LRRC1: variants seen among roughly 807,000 people sequenced by gnomAD.
LRRC1 encodes leucine-rich repeat-containing protein 1.
Under a neutral mutation model 69.9 loss-of-function variants are expected in LRRC1, and 28 were observed. That is an observed-to-expected ratio of 0.40 (90% CI 0.30 to 0.55). LRRC1 has a LOEUF of 0.55. LRRC1 is among the 20% of genes least tolerant of loss of function. LRRC1 has a pLI of 0.47. For missense variants in LRRC1, 498 were observed against 609.0 expected (o/e 0.82, Z 1.92); for synonymous variants, 236 against 240.2 (o/e 0.98, Z 0.16).
intron 1 of LRRC1, among the ~76,000 whole-genome samples, chr6:53,825,253 G>A (rs1186949224): frequency 6.6e-6 from 1 of 152,204 alleles, no homozygotes; most frequent in East Asian, 1.9e-4. Flanking sequence ...ACTATGTAAT[G>A]ATGGAGGTGT....
chr6:53,914,179 T>C (rs1166103546), intron 11 of LRRC1, among the ~76,000 whole-genome samples: 3 of 152,114 alleles, frequency 2.0e-5, no homozygotes, highest in African/African-American at 7.2e-5. Flanking sequence ...AACCTGAGCA[T>C]GGGTTAAAGT....
intron 2 of LRRC1, among the ~76,000 whole-genome samples, chr6:53,873,448 C>A (rs991228189): frequency 7.0e-6 from 1 of 143,336 alleles, no homozygotes; most frequent in Non-Finnish European, 1.5e-5. Flanking sequence ...TCCGCCACCA[C>A]GCCCGGCTAA....
In LRRC1 at chr6:53,801,190, C is replaced by T. The variant is rs180850016; in HGVS notation, c.159+5775C>T. Reference sequence around the variant, plus strand: ...TGTTGGGTAGCTGAAGGGGTCACAGCGCACATTGGTGTCAGCAAGCAGAAT... The same window carrying T: ...TGTTGGGTAGCTGAAGGGGTCACAGTGCACATTGGTGTCAGCAAGCAGAAT... On this transcript the variant is annotated intron_variant, in intron 1 of 13. Coordinates refer to ENST00000370888, the MANE Select transcript of LRRC1 (RefSeq NM_018214.5). Among the ~76,000 whole-genome samples the T allele has an allele frequency of 1.4e-3, 215 of 152,282 alleles. 1 individual carries two copies. The highest frequency in any genetic ancestry group is 2.2e-3 in the Non-Finnish European group (150 of 68,026).
rs1389689447 is a variant in LRRC1, at chr6:53,892,009, T to C, written c.447-4489T>C. On this transcript the variant is annotated intron_variant, in intron 4 of 13. Transcript: ENST00000370888. ...TCTGTCTAAAAAAAAAATATATATATATACACACACACACACACACACACA... is the reference window on the plus strand; with the variant it reads ...TCTGTCTAAAAAAAAAATATATATACATACACACACACACACACACACACA... 5.4e-3 allele frequency among the ~76,000 whole-genome samples: 404 copies of C among 74,592 alleles called. 4 individuals are homozygous for C. The highest frequency in any genetic ancestry group is 0.033 in the East Asian group (91 of 2,734). The allele number at this position is 74,592 out of a possible 152,430, so 48.9% of individuals were successfully genotyped here. A position where few individuals can be genotyped will look rare whatever the true frequency, so the allele number is the denominator to read the frequency against.
chr6:53,887,178 G>A (rs928756983), intron 4 of LRRC1, among the ~76,000 whole-genome samples: 5 of 151,786 alleles, frequency 3.3e-5, no homozygotes, highest in South Asian at 2.1e-4. Context: ...TTGTTTACAA[G>A]AAGCAACTAT....
intron 2 of LRRC1, among the ~76,000 whole-genome samples, chr6:53,868,046 G>A (rs774344828): frequency 1.3e-4 from 20 of 152,032 alleles, no homozygotes; most frequent in Admixed American, 9.8e-4. Flanking sequence ...ATTCCTTAAT[G>A]AGTAGATGAA....
chr6:53,806,577 C>T (rs1479694942), intron 1 of LRRC1, among the ~76,000 whole-genome samples: 1 of 152,120 alleles, frequency 6.6e-6, no homozygotes, highest in African/African-American at 2.4e-5. Context: ...GTGGTGTCAG[C>T]AAAGTCCCTC....
At position 53,919,494 on chromosome 6, in the gene LRRC1, A is replaced by AG; in HGVS notation, c.1107-4_1107-3insG. 6.5e-7 allele frequency: 1 copy of AG among 1,529,540 alleles called. No homozygotes were observed. Among genetic ancestry groups the AG allele is most frequent in the Non-Finnish European group, 8.7e-7 (1 of 1,146,086 alleles). 94.7% of individuals were successfully genotyped at this position (1,529,540 alleles called of 1,614,324 possible). ...TCTTTTTTTAAAAAAAAAAAAAAAA[A>AG]CAGGTTGCTGCATCTACCTTTATCC... On this transcript the variant is annotated splice_polypyrimidine_tract_variant and splice_region_variant and intron_variant, in intron 11 of 13. Transcript: ENST00000370888.
At chr6:53,873,535 G>C (rs967520915) in intron 2 of LRRC1, among the ~76,000 whole-genome samples, 9 of 151,004 alleles carry the variant, frequency 6.0e-5, no homozygotes, top group African/African-American at 2.0e-4. Context: ...TCCTGACCCC[G>C]TGATCTGCCC....
chr6:53,906,568 C>T (rs1294984446), intron 10 of LRRC1, among the ~76,000 whole-genome samples: 1 of 152,224 alleles, frequency 6.6e-6, no homozygotes, highest in East Asian at 1.9e-4. Flanking sequence ...CTTTCACCAT[C>T]ATTTCAGCAT....
chr6:53,909,335 A>G (rs952560987), intron 10 of LRRC1, among the ~76,000 whole-genome samples: 1 of 152,262 alleles, frequency 6.6e-6, no homozygotes, highest in Non-Finnish European at 1.5e-5. Flanking sequence ...AGACCTAACT[A>G]GCATTGTCTA....
At chr6:53,912,741 A>G (rs1187434063) in intron 10 of LRRC1, among the ~76,000 whole-genome samples, 1 of 152,240 alleles carries the variant, frequency 6.6e-6, no homozygotes, top group Non-Finnish European at 1.5e-5. Flanking sequence ...CACATGTATA[A>G]ATAGAAAAGG....
intron 1 of LRRC1, among the ~76,000 whole-genome samples, chr6:53,817,739 C>T (rs755718743): frequency 6.6e-6 from 1 of 152,082 alleles, no homozygotes; most frequent in African/African-American, 2.4e-5. Context: ...ACATGTGGTA[C>T]TTGTCTTTCT....
chr6:53,902,221 G>A (rs1028971358), intron 8 of LRRC1, among the ~76,000 whole-genome samples: 3 of 152,004 alleles, frequency 2.0e-5, no homozygotes, highest in South Asian at 4.2e-4. Flanking sequence ...AGGGATCTTC[G>A]TTGAGTCATT....
chr6:53,866,756 A>C (rs1766716550), intron 2 of LRRC1, among the ~76,000 whole-genome samples: 1 of 152,320 alleles, frequency 6.6e-6, no homozygotes, highest in South Asian at 2.1e-4. Flanking sequence ...AAGATTATTC[A>C]TACTAAAGAA....
At chr6:53,904,615 A>T in intron 10 of LRRC1, 153 bp downstream of exon 10, 1 of 463,058 alleles carries the variant, frequency 2.2e-6, no homozygotes, top group Non-Finnish European at 3.9e-6. Flanking sequence ...CAACTGGAGG[A>T]ATTATGTCAA....
intron 2 of LRRC1, among the ~76,000 whole-genome samples, chr6:53,873,791 C>A (rs903310483): frequency 3.3e-5 from 5 of 152,204 alleles, no homozygotes; most frequent in Non-Finnish European, 5.9e-5. Flanking sequence ...CTTGCCTAAT[C>A]TCTCTGGGCA....
At chr6:53,908,349 T>A (rs1280328425) in intron 10 of LRRC1, among the ~76,000 whole-genome samples, 1 of 152,230 alleles carries the variant, frequency 6.6e-6, no homozygotes, top group Non-Finnish European at 1.5e-5. Flanking sequence ...ATCAAAGCTT[T>A]TTTCAGTCAG....
At chr6:53,799,989 G>A (rs1764421417) in intron 1 of LRRC1, among the ~76,000 whole-genome samples, 1 of 152,148 alleles carries the variant, frequency 6.6e-6, no homozygotes, top group African/African-American at 2.4e-5. Context: ...GTCTTCTGCT[G>A]AGGCTCTTTA....
Sources: allele counts gnomAD v4.1 joint callset (sites outside exome capture counted in the v4.1 genomes callset), GRCh38; gene constraint gnomAD v4.1.1; transcripts MANE v1.5; gene names NCBI Gene and HGNC (gene_info 2026-07-23, HGNC 2026-07-21).